The following SPAG16 variants were observed in gnomAD, a reference collection of about 807,000 sequenced individuals.
SPAG16 encodes sperm-associated antigen 16 protein.
Under a neutral mutation model 80.4 loss-of-function variants are expected in SPAG16, and 86 were observed. That is an observed-to-expected ratio of 1.07 (90% confidence interval 0.90 to 1.28). The LOEUF (loss-of-function observed/expected upper bound fraction) is 1.28. SPAG16 is among the 50% of genes most tolerant of loss of function. The pLI is 0.00. For synonymous variants in SPAG16, 294 were observed against 265.9 expected, an observed-to-expected ratio of 1.11 and a Z score of -1.03; for missense variants, 870 against 765.3, an observed-to-expected ratio of 1.14 and a Z score of -1.61.
At chr2:213,680,053 C>T (rs2064299759) in intron 10 of SPAG16, among the ~76,000 whole-genome samples, 1 of 152,004 alleles carries the variant, frequency 6.6e-6, no homozygotes, top group African/African-American at 2.4e-5. Context: ...CAGCACACCA[C>T]CGTGGGCCAC....
At position 213,395,799 on chromosome 2, in the gene SPAG16, A is replaced by G. The variant is rs149783920; in HGVS notation, c.942+20680A>G. ...AATGGGGGACAGTTGAGTCTACACCACTTTGGCTGGATAGAACATCACTTC... is the reference window on the plus strand; with the variant it reads ...AATGGGGGACAGTTGAGTCTACACCGCTTTGGCTGGATAGAACATCACTTC... On this transcript the variant is annotated intron_variant, in intron 9 of 15. Transcript: ENST00000331683. 4.9e-3 allele frequency among the ~76,000 whole-genome samples: 752 copies of G among 152,312 alleles called. 8 individuals carry two copies. Among genetic ancestry groups the G allele is most frequent in the Middle Eastern group, 0.024 (7 of 294 alleles).
rs561938261 is a variant in SPAG16, at chr2:213,929,233, A to G, written c.1215-727A>G. Among the ~76,000 whole-genome samples, 4 of 151,574 alleles carry G rather than the reference A, an allele frequency of 2.6e-5. No individual in the cohort carries two copies. In the South Asian group the frequency reaches 8.3e-4, roughly 32 times the overall value. ...TTCACCTTGTTGGCCAGGTTTTTCT[A>G]CAACTCCTGACCTCAGGCGATTCGC... On this transcript the variant is annotated intron_variant, in intron 11 of 15. Transcript: ENST00000331683.
At chr2:214,173,415 C>A (rs1343334474) in intron 15 of SPAG16, among the ~76,000 whole-genome samples, 1 of 151,866 alleles carries the variant, frequency 6.6e-6, no homozygotes, top group Non-Finnish European at 1.5e-5. Flanking sequence ...TGTAGATATG[C>A]GGCGTTATTT....
At chr2:213,702,470 C>T (rs529519430) in intron 10 of SPAG16, among the ~76,000 whole-genome samples, 2 of 152,204 alleles carry the variant, frequency 1.3e-5, no homozygotes, top group African/African-American at 4.8e-5. Flanking sequence ...ACCACGAACT[C>T]ACCAAAAGGA....
chr2:214,042,239 G>T (rs542904244), intron 13 of SPAG16, among the ~76,000 whole-genome samples: 1 of 151,360 alleles, frequency 6.6e-6, no homozygotes, highest in African/African-American at 2.4e-5. Flanking sequence ...GATTACAGAC[G>T]TGCATCACCA....
chr2:213,970,312 A>G (rs545962559), intron 12 of SPAG16, among the ~76,000 whole-genome samples: 1 of 147,896 alleles, frequency 6.8e-6, no homozygotes, highest in South Asian at 2.1e-4. Flanking sequence ...GTTTATTTTT[A>G]AAAACATTTT....
At chr2:213,519,217 A>G (rs1399497103) in intron 10 of SPAG16, among the ~76,000 whole-genome samples, 1 of 152,252 alleles carries the variant, frequency 6.6e-6, no homozygotes, top group Non-Finnish European at 1.5e-5. Context: ...AATGCTGAAT[A>G]GAAACCTTAA....
At chr2:213,523,408 G>A (rs1009835126) in intron 10 of SPAG16, among the ~76,000 whole-genome samples, 9 of 152,278 alleles carry the variant, frequency 5.9e-5, no homozygotes, top group South Asian at 4.1e-4. Context: ...TTAGAAGCAT[G>A]AGAATAGACT....
intron 10 of SPAG16, among the ~76,000 whole-genome samples, chr2:213,662,662 T>A (rs2063468717): frequency 6.6e-6 from 1 of 152,140 alleles, no homozygotes; most frequent in Non-Finnish European, 1.5e-5. Context: ...AATAACTGAT[T>A]TTTTTTCATT....
chr2:213,815,706 A>T (rs1211778500), intron 10 of SPAG16, among the ~76,000 whole-genome samples: 1 of 152,098 alleles, frequency 6.6e-6, no homozygotes, highest in African/African-American at 2.4e-5. Context: ...CACTAACTAG[A>T]TCAATTTTTA....
intron 1 of SPAG16, among the ~76,000 whole-genome samples, chr2:213,290,703 T>A (rs1194309893): frequency 1.3e-5 from 2 of 152,226 alleles, no homozygotes; most frequent in East Asian, 3.8e-4. Context: ...ATTGTATGGA[T>A]GTTTCCTGGA....
chr2:214,280,835 G>A lies in SPAG16; in HGVS notation c.1721-129305G>A, dbSNP rs896027715. On this transcript the variant is annotated intron_variant, in intron 15 of 15. Coordinates refer to ENST00000331683, the MANE Select transcript of SPAG16 (RefSeq NM_024532.5). Reference sequence around the variant, plus strand: ...TCTCCTCCATGTCTAGAGTTATGCCGTTCTTTATATATTGAGAGGATTGTT... The same window carrying A: ...TCTCCTCCATGTCTAGAGTTATGCCATTCTTTATATATTGAGAGGATTGTT... 1.8e-5 allele frequency: 8 copies of A among 436,220 alleles called. 1 individual carries two copies. The highest frequency in any genetic ancestry group is 4.1e-5 in the African/African-American group (2 of 48,738). 27.0% of individuals were successfully genotyped at this position (436,220 alleles called of 1,614,324 possible). A position where few individuals can be genotyped will look rare whatever the true frequency, so the allele number is the denominator to read the frequency against.
chr2:213,905,557 A>G (rs1352513867), intron 11 of SPAG16, among the ~76,000 whole-genome samples: 1 of 152,222 alleles, frequency 6.6e-6, no homozygotes, highest in East Asian at 1.9e-4. Context: ...CATTGATTCA[A>G]CAGCTGTTTA....
intron 13 of SPAG16, among the ~76,000 whole-genome samples, chr2:214,077,081 T>G (rs558993416): frequency 2.0e-5 from 3 of 152,196 alleles, no homozygotes; most frequent in Non-Finnish European, 4.4e-5. Context: ...AGAAGAGATT[T>G]ATTTTGCATC....
chr2:214,352,268 C>G, intron 15 of SPAG16, among the ~76,000 whole-genome samples: 1 of 152,168 alleles, frequency 6.6e-6, no homozygotes, highest in South Asian at 2.1e-4. Flanking sequence ...AAACAAGTAT[C>G]TCAGATATTC....
chr2:213,686,348 C>T (rs549951855), intron 10 of SPAG16, among the ~76,000 whole-genome samples: 12 of 152,272 alleles, frequency 7.9e-5, no homozygotes, highest in African/African-American at 2.6e-4. Flanking sequence ...AATCTCCTGA[C>T]TTTGTGATCC....
intron 10 of SPAG16, among the ~76,000 whole-genome samples, chr2:213,757,082 T>C (rs977570978): frequency 5.3e-5 from 8 of 152,180 alleles, no homozygotes; most frequent in African/African-American, 1.7e-4. Context: ...TGATTTCATA[T>C]ACTAACATAA....
chr2:214,192,239 G>A (rs150861261), intron 15 of SPAG16, among the ~76,000 whole-genome samples: 85 of 152,214 alleles, frequency 5.6e-4, no homozygotes, highest in African/African-American at 1.5e-3. Flanking sequence ...AGGAAGGCAC[G>A]CAAATGATTG....
At position 214,371,304 on chromosome 2, in the gene SPAG16, G is replaced by A. The variant is rs754922706; in HGVS notation, c.1721-38836G>A. Among the ~76,000 whole-genome samples the A allele has an allele frequency of 3.3e-5, 5 of 152,062 alleles. No individual in the cohort carries two copies. The East Asian group carries it at 5.8e-4, about 18-fold the overall frequency. ...TCCCAGCACTTTGGGAGGCCGAGGCGGGCAGATCACATGAAGTCCGGAGTT... is the reference window on the plus strand; with the variant it reads ...TCCCAGCACTTTGGGAGGCCGAGGCAGGCAGATCACATGAAGTCCGGAGTT... On this transcript the variant is annotated intron_variant, in intron 15 of 15. Transcript: ENST00000331683.
Sources: gnomAD v4.1 joint callset for allele counts (sites outside exome capture counted in the v4.1 genomes callset) on GRCh38, gnomAD v4.1.1 for gene constraint, MANE v1.5 for transcripts, NCBI Gene and HGNC (gene_info 2026-07-23, HGNC 2026-07-21) for gene names.